Variants in TASP1 observed in about 807,000 individuals in gnomAD.
TASP1 encodes the protein taspase 1, also known as threonine aspartase 1.
TASP1 carries 16 observed loss-of-function variants against 56.6 expected under a neutral mutation model. That is an observed-to-expected ratio of 0.28 (90% CI 0.19 to 0.43). The LOEUF is 0.43. Among genes scored for constraint, TASP1 ranks in the 20% least tolerant of loss-of-function variants. TASP1 has a pLI of 1.00. For synonymous variants in TASP1, 179 were observed against 184.2 expected (o/e 0.97, Z 0.23); for missense variants, 393 against 511.6 (o/e 0.77, Z 2.24).
the TASP1 span, among the ~76,000 whole-genome samples, chr20:13,127,690 T>C: frequency 2.0e-5 from 3 of 152,152 alleles, no homozygotes; most frequent in African/African-American, 7.2e-5. Context: ...CTGGGGCCCT[T>C]CTACTGAGCC....
the TASP1 span, among the ~76,000 whole-genome samples, chr20:13,374,865 G>A: frequency 6.6e-6 from 1 of 152,054 alleles, no homozygotes; most frequent in Admixed American, 6.6e-5. Flanking sequence ...GCATGCACCT[G>A]CTCACCCTGG....
the TASP1 span, among the ~76,000 whole-genome samples, chr20:13,311,352 C>G: frequency 6.6e-6 from 1 of 152,100 alleles, no homozygotes; most frequent in Non-Finnish European, 1.5e-5. Flanking sequence ...TAAATTGCTA[C>G]AGCCATTATG....
the TASP1 span, among the ~76,000 whole-genome samples, chr20:13,113,212 C>T: frequency 2.0e-5 from 3 of 152,012 alleles, no homozygotes; most frequent in African/African-American, 7.3e-5. Flanking sequence ...AATTATTTCC[C>T]GTAGGATTTT....
At chr20:13,548,698 T>C (rs1011041856) in intron 8 of TASP1, among the ~76,000 whole-genome samples, 5 of 152,050 alleles carry the variant, frequency 3.3e-5, no homozygotes. Context: ...ACTAAATGAG[T>C]GATGCTGGAC....
At chr20:13,207,415 T>C in the TASP1 span, among the ~76,000 whole-genome samples, 1 of 152,194 alleles carries the variant, frequency 6.6e-6, no homozygotes, top group Non-Finnish European at 1.5e-5. Context: ...GACATAGGTA[T>C]AGATAGATAG....
chr20:13,583,552 G>A (rs574228617), intron 5 of TASP1, among the ~76,000 whole-genome samples: 2 of 152,204 alleles, frequency 1.3e-5, no homozygotes, highest in African/African-American at 4.8e-5. Flanking sequence ...CTGTCTTCTA[G>A]TTTTACCCAG....
At chr20:13,574,209 A>C (rs547343357) in intron 6 of TASP1, among the ~76,000 whole-genome samples, 1 of 152,316 alleles carries the variant, frequency 6.6e-6, no homozygotes, top group South Asian at 2.1e-4. Flanking sequence ...GCCTCATTCT[A>C]GGTGCATCTG....
chr20:13,586,459 G>A (rs1288073317), intron 5 of TASP1, among the ~76,000 whole-genome samples: 3 of 152,118 alleles, frequency 2.0e-5, no homozygotes, highest in Non-Finnish European at 4.4e-5. Context: ...TAAATTTTAG[G>A]AACAGGCAAA....
intron 6 of TASP1, among the ~76,000 whole-genome samples, chr20:13,571,256 G>A (rs1007218574): frequency 1.3e-5 from 2 of 152,096 alleles, no homozygotes; most frequent in Non-Finnish European, 2.9e-5. Context: ...ACATAAAAAA[G>A]TATTGTATAG....
the TASP1 span, among the ~76,000 whole-genome samples, chr20:13,120,155 T>G: frequency 6.6e-6 from 1 of 152,228 alleles, no homozygotes; most frequent in Non-Finnish European, 1.5e-5. Flanking sequence ...TTGAAAAAAC[T>G]ACTTCTACTA....
the TASP1 span, among the ~76,000 whole-genome samples, chr20:13,142,281 T>C: frequency 1.7e-4 from 26 of 152,362 alleles, no homozygotes; most frequent in East Asian, 2.7e-3. Context: ...GATATCCTTT[T>C]ACATGAGCCC....
the TASP1 span, among the ~76,000 whole-genome samples, chr20:13,268,470 G>C: frequency 0.075 from 11,110 of 148,036 alleles, 482 homozygotes; most frequent in Non-Finnish European, 0.1. Context: ...AAAATGTCAG[G>C]GCAACTCCCT....
the TASP1 span, among the ~76,000 whole-genome samples, chr20:13,336,922 T>C: frequency 6.6e-6 from 1 of 152,218 alleles, no homozygotes; most frequent in African/African-American, 2.4e-5. Context: ...CCACACTCTG[T>C]CTACTGGATT....
At chr20:13,541,115 G>C (rs974463531) in intron 8 of TASP1, among the ~76,000 whole-genome samples, 15 of 150,532 alleles carry the variant, frequency 1.0e-4, no homozygotes, top group Non-Finnish European at 1.8e-4. Context: ...CAAAATAAAA[G>C]AGAGAAAATA....
chr20:13,513,943 C>A (rs1362290470), intron 10 of TASP1, among the ~76,000 whole-genome samples: 7 of 152,074 alleles, frequency 4.6e-5, no homozygotes, highest in Non-Finnish European at 8.8e-5. Context: ...GATAAAAAAT[C>A]TTTAACTTGA....
intron 13 of TASP1, among the ~76,000 whole-genome samples, chr20:13,394,986 T>G (rs2041469195): frequency 6.6e-6 from 1 of 152,264 alleles, no homozygotes; most frequent in Non-Finnish European, 1.5e-5. Context: ...TATAATTGCC[T>G]GATAACCTAA....
chr20:13,527,608 A>ACACG (rs773843035), intron 10 of TASP1, among the ~76,000 whole-genome samples: 2 of 152,088 alleles, frequency 1.3e-5, no homozygotes, highest in Non-Finnish European at 1.5e-5. Flanking sequence ...TCTCCTGCAC[A>ACACG]CACGCACGCA....
intron 10 of TASP1, among the ~76,000 whole-genome samples, chr20:13,505,745 T>C (rs2044106046): frequency 6.6e-6 from 1 of 152,050 alleles, no homozygotes; most frequent in Non-Finnish European, 1.5e-5. Flanking sequence ...ACAAAATGTA[T>C]GTGTGCAGAA....
chr20:13,614,758 G>A (rs896216944), intron 4 of TASP1: 1 of 465,556 alleles, frequency 2.1e-6, no homozygotes, highest in Non-Finnish European at 4.4e-6. Context: ...TAGAATATTG[G>A]CTTCAATAAA....
Sources: gnomAD v4.1 joint callset for allele counts (sites outside exome capture counted in the v4.1 genomes callset) on GRCh38, gnomAD v4.1.1 for gene constraint, MANE v1.5 for transcripts, NCBI Gene and HGNC (gene_info 2026-07-23, HGNC 2026-07-21) for gene names.